Variants in AHCYL2 observed in about 807,000 individuals in gnomAD.
The protein encoded by AHCYL2 is S-adenosylhomocysteine hydrolase-like protein 2.
In AHCYL2, 28 loss-of-function variants were observed where a neutral mutation model predicts 81.4. The ratio of observed to expected loss-of-function variants is 0.34; its 90% confidence interval spans 0.25 to 0.47. The LOEUF is 0.47. Ranked by LOEUF, AHCYL2 falls within the 20% of genes least tolerant of loss-of-function variation. The probability of loss-of-function intolerance (pLI) is 1.00; values close to 1 mark genes in which losing one functional copy is unlikely to be tolerated. For missense variants in AHCYL2, 551 were observed against 785.1 expected, an observed-to-expected ratio of 0.70 and a Z score of 3.56; for synonymous variants, 272 against 290.2, an observed-to-expected ratio of 0.94 and a Z score of 0.64.
At chr7:129,365,772 T>C (rs1214111996) in intron 1 of AHCYL2, among the ~76,000 whole-genome samples, 1 of 151,608 alleles carries the variant, frequency 6.6e-6, no homozygotes, top group African/African-American at 2.4e-5. Context: ...AAGTGATTGT[T>C]CTGGGGACTG....
chr7:129,409,743 T>C (rs1446423424), intron 11 of AHCYL2, among the ~76,000 whole-genome samples, 197 bp downstream of exon 11: 1 of 152,232 alleles, frequency 6.6e-6, no homozygotes, highest in Non-Finnish European at 1.5e-5. Context: ...GTTATTCCTA[T>C]GTAAAAATGT....
chr7:129,396,710 C>T (rs1319928861), intron 4 of AHCYL2, among the ~76,000 whole-genome samples: 5 of 152,060 alleles, frequency 3.3e-5, no homozygotes, highest in African/African-American at 7.2e-5. Flanking sequence ...CGTGAGCCAC[C>T]GTTCCTGGCC....
At position 129,266,172 on chromosome 7, in the gene AHCYL2, C is replaced by T. The variant is rs549389732; in HGVS notation, c.363+40733C>T. Among the ~76,000 whole-genome samples, 51 of 152,296 alleles carry T rather than the reference C, an allele frequency of 3.3e-4. 1 individual carries two copies. The highest frequency in any genetic ancestry group is 1.2e-3 in the African/African-American group (50 of 41,568). On this transcript the variant is annotated intron_variant, in intron 1 of 16. Transcript: ENST00000325006. ...ACATTTAACTAGTTTTCAATACATTCGCTATTTTGCTCAGCCAACAAATGA... is the reference window on the plus strand; with the variant it reads ...ACATTTAACTAGTTTTCAATACATTTGCTATTTTGCTCAGCCAACAAATGA...
intron 1 of AHCYL2, among the ~76,000 whole-genome samples, chr7:129,285,444 C>T (rs1415115427): frequency 6.6e-6 from 1 of 152,052 alleles, no homozygotes; most frequent in Non-Finnish European, 1.5e-5. Context: ...CTTCTCCTAC[C>T]CAGACCAGGA....
chr7:129,414,370 C>T lies in AHCYL2; in HGVS notation c.1461+682C>T, dbSNP rs116492391. ...CCTAAAATTTTCCAATCCAAAATAGCACTTGGTACTAATAAGTTGCCCAAG... is the reference window on the plus strand; with the variant it reads ...CCTAAAATTTTCCAATCCAAAATAGTACTTGGTACTAATAAGTTGCCCAAG... On this transcript the variant is annotated intron_variant, in intron 12 of 16. Transcript: ENST00000325006. 8.1e-3 allele frequency among the ~76,000 whole-genome samples: 1,224 copies of T among 151,304 alleles called. 16 individuals are homozygous for T. The highest frequency in any genetic ancestry group is 0.028 in the African/African-American group (1,143 of 41,206).
chr7:129,373,795 C>T (rs567895892), intron 1 of AHCYL2, among the ~76,000 whole-genome samples: 3 of 152,222 alleles, frequency 2.0e-5, no homozygotes, highest in Middle Eastern at 3.4e-3. Flanking sequence ...TTAGTACATG[C>T]GGACTGGGGT....
chr7:129,283,545 C>T (rs1796523570), intron 1 of AHCYL2: 3 of 346,178 alleles, frequency 8.7e-6, no homozygotes. Context: ...GATATATTTG[C>T]CAAAGATGAG....
chr7:129,330,461 C>T (rs1798377336), intron 1 of AHCYL2, among the ~76,000 whole-genome samples: 1 of 151,652 alleles, frequency 6.6e-6, no homozygotes, highest in African/African-American at 2.4e-5. Flanking sequence ...TTCCAGGATA[C>T]TCTGGTACAT....
intron 1 of AHCYL2, among the ~76,000 whole-genome samples, chr7:129,371,414 A>G (rs1794404451): frequency 6.6e-6 from 1 of 152,200 alleles, no homozygotes; most frequent in South Asian, 2.1e-4. Context: ...CCAGCAGGGA[A>G]ATAAGCCGGG....
chr7:129,401,644 G>C (rs940486461), intron 6 of AHCYL2, among the ~76,000 whole-genome samples: 1 of 152,206 alleles, frequency 6.6e-6, no homozygotes, highest in African/African-American at 2.4e-5. Flanking sequence ...GTGGCTGTAA[G>C]ATGAGTCAGC....
At chr7:129,267,063 C>T (rs1327305194) in intron 1 of AHCYL2, among the ~76,000 whole-genome samples, 1 of 151,120 alleles carries the variant, frequency 6.6e-6, no homozygotes, top group Non-Finnish European at 1.5e-5. Flanking sequence ...TGATGTTGCA[C>T]AAGTATGCCT....
intron 4 of AHCYL2, among the ~76,000 whole-genome samples, chr7:129,391,963 C>T (rs771621887): frequency 6.6e-6 from 1 of 152,158 alleles, no homozygotes. Flanking sequence ...TTGGCCTGCT[C>T]AGTCAGCGAC....
chr7:129,326,325 G>A (rs530299222), intron 1 of AHCYL2, among the ~76,000 whole-genome samples: 4 of 152,084 alleles, frequency 2.6e-5, no homozygotes, highest in South Asian at 2.1e-4. Context: ...TCAGGAGTTC[G>A]AGACCAGCCT....
At chr7:129,302,977 G>A (rs959363185) in intron 1 of AHCYL2, among the ~76,000 whole-genome samples, 10 of 152,008 alleles carry the variant, frequency 6.6e-5, no homozygotes, top group African/African-American at 2.2e-4. Context: ...GAAGCCATTG[G>A]GTCCCAAGCT....
chr7:129,408,097 C>T (rs1796388043), intron 10 of AHCYL2, among the ~76,000 whole-genome samples: 2 of 152,272 alleles, frequency 1.3e-5, no homozygotes, highest in African/African-American at 4.8e-5. Flanking sequence ...TCAATATAAT[C>T]ACATATCACT....
chr7:129,309,907 A>C (rs1880854), intron 1 of AHCYL2, among the ~76,000 whole-genome samples: 53,431 of 151,886 alleles, frequency 0.35, 10,047 homozygotes, highest in African/African-American at 0.5. Context: ...TCATTGTCAT[A>C]CAACCCACCT....
rs987609527 is a variant in AHCYL2 at position 129,419,596 on chromosome 7, G to T, written c.1462-3244G>T. Among the ~76,000 whole-genome samples, 2 of 152,124 alleles carry T rather than the reference G, an allele frequency of 1.3e-5. No homozygotes were observed. The highest frequency in any genetic ancestry group is 6.5e-5 in the Admixed American group (1 of 15,272). On this transcript the variant is annotated intron_variant, in intron 12 of 16. Transcript: ENST00000325006. The surrounding 1 kb of genome is among the most constrained non-coding windows in gnomAD (Gnocchi z 4.7). ...CTTACCCATGTGTATCACATAGAAG[G>T]CCTGTGTAATTGTAAGCTTCACAAT...
intron 1 of AHCYL2, among the ~76,000 whole-genome samples, chr7:129,243,847 C>G (rs1309434552): frequency 2.0e-5 from 3 of 152,162 alleles, no homozygotes; most frequent in African/African-American, 7.2e-5. Context: ...CCTGCCTCGG[C>G]CTCCCAAAGT....
At chr7:129,413,929 A>G (rs1057395903) in intron 12 of AHCYL2, among the ~76,000 whole-genome samples, 13 of 152,372 alleles carry the variant, frequency 8.5e-5, no homozygotes, top group East Asian at 1.9e-4. Flanking sequence ...TGTTTACACC[A>G]TAAGCCTTAT....
Sources: gnomAD v4.1 joint callset for allele counts (sites outside exome capture counted in the v4.1 genomes callset) on GRCh38, gnomAD v4.1.1 for gene constraint, Gnocchi (gnomAD v3.1) non-coding constraint, MANE v1.5 for transcripts, NCBI Gene and HGNC (gene_info 2026-07-23, HGNC 2026-07-21) for gene names.